ACOT11: variants seen among roughly 807,000 people sequenced by gnomAD.
The protein encoded by ACOT11 is acyl-CoA thioesterase 11.
ACOT11 carries 69 observed loss-of-function variants against 77.5 expected under a neutral mutation model. The ratio of observed to expected loss-of-function variants is 0.89; its 90% confidence interval spans 0.73 to 1.09. The LOEUF (loss-of-function observed/expected upper bound fraction) is 1.09, where lower values mean the gene tolerates loss of function less well. Ranked by LOEUF, ACOT11 falls within the 50% of genes least tolerant of loss-of-function variation. The probability of loss-of-function intolerance (pLI) is 0.00; values close to 1 mark genes in which losing one functional copy is unlikely to be tolerated. For synonymous variants in ACOT11, 279 were observed against 313.0 expected, an observed-to-expected ratio of 0.89 and a Z score of 1.15; for missense variants, 766 against 813.7, an observed-to-expected ratio of 0.94 and a Z score of 0.71.
Position 54,592,568 on chromosome 1 carries a change from A to C in ACOT11, c.334A>C (p.Lys112Gln), listed in dbSNP as rs1348455996. Residue 112 changes from lysine (K) to glutamine (Q), a missense_variant, in exon 4 of 16, where the codon AAG (lysine) becomes CAG (glutamine). Transcript: ENST00000343744. ...TISVGQVVNI[K>Q]AKVNRAFNSS... ...CAGTGTTGGACAAGTGGTGAATATC[A>C]AGGCCAAGGTGAACCGGGCCTTCAA... 3.1e-6 allele frequency: 5 copies of C among 1,613,030 alleles called. No homozygotes were observed. The East Asian group carries it at 8.9e-5, about 29-fold the overall frequency.
At position 54,629,882 on chromosome 1, in the gene ACOT11, T is replaced by C. The variant is rs1337212492; in HGVS notation, c.1630-852T>C. Among the ~76,000 whole-genome samples, 4 of 133,118 alleles carry C rather than the reference T, an allele frequency of 3.0e-5. 1 individual carries two copies. The highest frequency in any genetic ancestry group is 1.0e-4 in the African/African-American group (4 of 39,194). The allele number at this position is 133,118 out of a possible 152,430, so 87.3% of individuals were successfully genotyped here. The stretch of plus-strand genomic sequence containing the variant: ...GGCATGAACTACCACACCCAGCCTG[T>C]TTAATGTTTATTTTTTTATTTTTAT... On this transcript the variant is annotated intron_variant, in intron 15 of 16. Coordinates refer to the ACOT11 transcript ENST00000371316.
At chr1:54,633,388 GT>G (rs1557679734) in intron 16 of ACOT11, among the ~76,000 whole-genome samples, 2 of 152,202 alleles carry the variant, frequency 1.3e-5, no homozygotes, top group Non-Finnish European at 2.9e-5. Flanking sequence ...CATCAGTTCA[GT>G]TATACAACCT....
chr1:54,609,170 C>T lies in ACOT11; in HGVS notation c.*58C>T. Reference sequence around the variant, plus strand: ...ACTCCATCCTGTCCCCAAGGACTCACATACAGTGCCTGGAGAAAGCCAAAG... The same window carrying T: ...ACTCCATCCTGTCCCCAAGGACTCATATACAGTGCCTGGAGAAAGCCAAAG... On this transcript the variant is annotated 3_prime_UTR_variant, in exon 16 of 16. Coordinates refer to ENST00000343744, the MANE Select transcript of ACOT11 (RefSeq NM_147161.4). 1 of 1,609,682 alleles carries T rather than the reference C, an allele frequency of 6.2e-7. No homozygotes were observed. Among genetic ancestry groups the T allele is most frequent in the Non-Finnish European group, 8.5e-7 (1 of 1,177,616 alleles).
chr1:54,620,970 G>A (rs188779318), intron 15 of ACOT11, among the ~76,000 whole-genome samples: 21 of 151,306 alleles, frequency 1.4e-4, no homozygotes, highest in Admixed American at 2.6e-4. Flanking sequence ...GACCAGCCTG[G>A]GCAACATGGC....
chr1:54,599,420 G>A lies in ACOT11; in HGVS notation c.884+5G>A. On this transcript the variant is annotated splice_donor_5th_base_variant and intron_variant, in intron 8 of 15. Coordinates refer to ENST00000343744, the MANE Select transcript of ACOT11 (RefSeq NM_147161.4). ...GAACAATGCCTTCAAACATAGGTGA[G>A]GGTCTGGGATGGGTGCGGCCACGTC... 1 of 1,599,592 alleles carries A rather than the reference G, an allele frequency of 6.3e-7. No homozygotes were observed. The highest frequency in any genetic ancestry group is 8.5e-7 in the Non-Finnish European group (1 of 1,171,812).
At chr1:54,604,989 A>G in intron 12 of ACOT11, 87 bp from the exon 13 acceptor site, 1 of 1,419,778 alleles carries the variant, frequency 7.0e-7, no homozygotes, top group South Asian at 1.3e-5. Flanking sequence ...AGTCAGCTGT[A>G]GCCCTGAGCT....
intron 15 of ACOT11, among the ~76,000 whole-genome samples, chr1:54,628,698 T>C (rs1354889407): frequency 7.6e-6 from 1 of 131,462 alleles, no homozygotes; most frequent in African/African-American, 2.6e-5. Flanking sequence ...GGTGGAATTT[T>C]ATTTAAAGTA....
rs1018660064 is a variant in ACOT11 at position 54,627,290 on chromosome 1, C to T, written c.1630-3444C>T. On this transcript the variant is annotated intron_variant, in intron 15 of 16. Coordinates refer to the ACOT11 transcript ENST00000371316. ...CTGTCCTCCCTGGGAAAGAGGCCGG[C>T]GAGCCGAGCTCTGAGGCACAGAGCT... Among the ~76,000 whole-genome samples, 8 of 134,712 alleles carry T rather than the reference C, an allele frequency of 5.9e-5. 2 individuals are homozygous for T. The highest frequency in any genetic ancestry group is 1.3e-4 in the Non-Finnish European group (8 of 59,424). 88.4% of individuals were successfully genotyped at this position (134,712 alleles called of 152,430 possible).
At chr1:54,616,819 G>T (rs947270628) in intron 15 of ACOT11, among the ~76,000 whole-genome samples, 4 of 152,144 alleles carry the variant, frequency 2.6e-5, no homozygotes, top group African/African-American at 9.7e-5. Flanking sequence ...AAAAGCCCTG[G>T]TTGAGGGTGT....
At chr1:54,617,793 G>T (rs182295626) in intron 15 of ACOT11, among the ~76,000 whole-genome samples, 1 of 135,202 alleles carries the variant, frequency 7.4e-6, no homozygotes, top group Non-Finnish European at 1.5e-5. Context: ...GCGTGATCAC[G>T]GCTCACTGCA....
At chr1:54,603,697 G>T (rs1643991362) in intron 10 of ACOT11, among the ~76,000 whole-genome samples, 174 bp from the exon 11 acceptor site, 2 of 152,072 alleles carry the variant, frequency 1.3e-5, no homozygotes, top group Non-Finnish European at 1.5e-5. Flanking sequence ...GGGCCGAGCT[G>T]GTGTGCCCTC....
At chr1:54,615,526 G>C (rs1054660218) in intron 15 of ACOT11, among the ~76,000 whole-genome samples, 6 of 152,132 alleles carry the variant, frequency 3.9e-5, no homozygotes, top group African/African-American at 1.4e-4. Flanking sequence ...CCAGTGAGGA[G>C]GGAGGTCCTG....
chr1:54,608,181 G>T (rs747695963), intron 15 of ACOT11, 113 bp downstream of exon 15: 22 of 1,021,640 alleles, frequency 2.2e-5, no homozygotes, highest in Non-Finnish European at 2.9e-5. Flanking sequence ...CCCCCAGCAG[G>T]CTCCCCCTTC....
chr1:54,621,072 A>C (rs1189028331), intron 15 of ACOT11, among the ~76,000 whole-genome samples: 1 of 151,640 alleles, frequency 6.6e-6, no homozygotes, highest in African/African-American at 2.4e-5. Flanking sequence ...AAGGCAGAGA[A>C]TCACTTGAAC....
intron 10 of ACOT11, among the ~76,000 whole-genome samples, chr1:54,603,228 C>T (rs923155463): frequency 6.6e-6 from 1 of 152,160 alleles, no homozygotes; most frequent in East Asian, 1.9e-4. Context: ...TCCCAGTGCA[C>T]CTATAGTCAG....
exon 17 of ACOT11, chr1:54,634,966 A>G: frequency 2.0e-6 from 1 of 488,690 alleles, no homozygotes; most frequent in East Asian, 3.2e-5. Flanking sequence ...CTATGATAGC[A>G]GTTATCACCA....
chr1:54,581,036 G>A (rs1313910456), intron 1 of ACOT11, among the ~76,000 whole-genome samples: 2 of 152,202 alleles, frequency 1.3e-5, no homozygotes, highest in African/African-American at 2.4e-5. Flanking sequence ...GGGAGCCATC[G>A]AAGAGTCCTG....
rs754695837 is a variant in ACOT11 at position 54,585,816 on chromosome 1, T to C, written c.242-19T>C. 1 of 1,613,684 alleles carries C rather than the reference T, an allele frequency of 6.2e-7. No homozygotes were observed. The highest frequency in any genetic ancestry group is 1.3e-5 in the African/African-American group (1 of 74,894). On this transcript the variant is annotated intron_variant, in intron 2 of 15. Transcript: ENST00000343744. ...TCGGGGGAGGCTGCTAATGTCTGGC[T>C]TTCTTCTGCTGACACCAGCGGAGAG...
At chr1:54,618,232 G>A (rs186648135) in intron 15 of ACOT11, among the ~76,000 whole-genome samples, 56 of 152,266 alleles carry the variant, frequency 3.7e-4, no homozygotes, top group Non-Finnish European at 6.0e-4. Context: ...AGCCGGGCGC[G>A]GTGGCTCAGA....
Sources: allele counts gnomAD v4.1 joint callset (sites outside exome capture counted in the v4.1 genomes callset), GRCh38; gene constraint gnomAD v4.1.1; transcripts MANE v1.5; gene names NCBI Gene and HGNC (gene_info 2026-07-23, HGNC 2026-07-21).